PRUNE2: variants seen among roughly 807,000 people sequenced by gnomAD.
PRUNE2 encodes the protein protein prune homolog 2.
A neutral mutation model predicts 252.0 loss-of-function variants in PRUNE2; 164 were observed. The observed-to-expected ratio is 0.65, with a 90% CI of 0.57 to 0.74. The LOEUF (loss-of-function observed/expected upper bound fraction) is 0.74. Ranked by LOEUF, PRUNE2 falls within the 30% of genes least tolerant of loss-of-function variation. The pLI is 0.00. For missense variants in PRUNE2, 3,495 were observed against 3,711.0 expected (o/e 0.94, Z 1.51); for synonymous variants, 1,292 against 1,350.2 (o/e 0.96, Z 0.94).
rs527278880 is a variant in PRUNE2, at chr9:76,667,985, G to C, written c.8277-12483C>G. ...CGTAGGGGGAGGTTTGACAACCGCT[G>C]TCCTAGAGTCTAACAACTTAAATAA... On this transcript the variant is annotated intron_variant, in intron 9 of 18. Transcript: ENST00000376718. 2.0e-5 allele frequency among the ~76,000 whole-genome samples: 3 copies of C among 152,334 alleles called. No homozygotes were observed. The South Asian group carries it at 6.2e-4, about 32-fold the overall frequency.
intron 3 of PRUNE2, among the ~76,000 whole-genome samples, chr9:76,848,388 A>T (rs958484371): frequency 4.6e-5 from 7 of 152,258 alleles, no homozygotes; most frequent in African/African-American, 1.7e-4. Flanking sequence ...ATGATTGATA[A>T]ATATTATTCA....
At position 76,885,164 on chromosome 9, in the gene PRUNE2, G is replaced by A. The variant is rs146316952; in HGVS notation, c.36+20764C>T. Among the ~76,000 whole-genome samples, 21 of 152,314 alleles carry A rather than the reference G, an allele frequency of 1.4e-4. 1 individual carries two copies. The East Asian group carries it at 4.0e-3, about 29-fold the overall frequency. ...ATCAAATACATTTTTAAAGATAGAT[G>A]AACTCCAAAGCAGATTTAAAATATG... On this transcript the variant is annotated intron_variant, in intron 1 of 18. Transcript: ENST00000376718.
intron 1 of PRUNE2, among the ~76,000 whole-genome samples, chr9:76,886,059 A>T (rs943650129): frequency 6.6e-6 from 1 of 151,812 alleles, no homozygotes; most frequent in African/African-American, 2.4e-5. Flanking sequence ...GGTGGCACAC[A>T]CCTGTAGTCC....
At position 76,705,629 on chromosome 9, in the gene PRUNE2, T is replaced by C. The variant is rs754116878; in HGVS notation, c.6645A>G (p.Ala2215=). ...VSEKGASPDM[A]PILEPVDRRI... is the part of the protein sequence containing the mutation. ...TTCTGTCAACTGGTTCCAAAATTGG[T>C]GCCATATCTGGGCTGGCTCCTTTTT... Residue 2215 remains alanine, a synonymous_variant, in exon 8 of 19, where the codon GCA becomes GCG. Transcript: ENST00000376718. The C allele has an allele frequency of 1.2e-6, 2 of 1,614,046 alleles. No individual in the cohort carries two copies. Among genetic ancestry groups the C allele is most frequent in the Non-Finnish European group, 8.5e-7 (1 of 1,179,894 alleles).
intron 9 of PRUNE2, among the ~76,000 whole-genome samples, chr9:76,668,096 T>C (rs927421938): frequency 2.0e-5 from 3 of 152,226 alleles, no homozygotes; most frequent in Admixed American, 6.5e-5. Context: ...TGTGTTTCTA[T>C]AAGGAATATA....
intron 9 of PRUNE2, among the ~76,000 whole-genome samples, chr9:76,682,454 T>C (rs2043571802): frequency 6.6e-6 from 1 of 150,670 alleles, no homozygotes; most frequent in Non-Finnish European, 1.5e-5. Context: ...CTTCGCCTCC[T>C]GGGTTCAAGC....
intron 1 of PRUNE2, chr9:76,862,603 G>C (rs1033777247): frequency 2.6e-5 from 4 of 151,962 alleles, no homozygotes; most frequent in African/African-American, 9.7e-5. Flanking sequence ...GCCCAAATGA[G>C]AAAGAATGCC....
In PRUNE2 at chr9:76,704,842, A is replaced by T. The variant is rs1429426207; in HGVS notation, c.7432T>A (p.Leu2478Met). Residue 2478 changes from leucine (L) to methionine (M), a missense_variant, in exon 8 of 19, where the codon TTG becomes ATG. Transcript: ENST00000376718. ...TCCCAGTCAACGTTTGATGGAGACAAAATGTTGGAGCCTGCTCCTACCGGC... is the reference window on the plus strand; with the variant it reads ...TCCCAGTCAACGTTTGATGGAGACATAATGTTGGAGCCTGCTCCTACCGGC... ...YLPVGAGSNI[L>M]SPSNVDWEVE... 1.9e-6 allele frequency: 3 copies of T among 1,596,324 alleles called. No homozygotes were observed. Among genetic ancestry groups the T allele is most frequent in the Non-Finnish European group, 2.6e-6 (3 of 1,170,228 alleles).
At chr9:76,769,796 G>A (rs545475313) in intron 6 of PRUNE2, among the ~76,000 whole-genome samples, 37 of 152,138 alleles carry the variant, frequency 2.4e-4, no homozygotes, top group African/African-American at 8.0e-4. Context: ...AAAAGGGAAC[G>A]TGAACTAAAA....
intron 6 of PRUNE2, among the ~76,000 whole-genome samples, chr9:76,805,480 T>C (rs915445122): frequency 2.6e-5 from 4 of 152,052 alleles, no homozygotes; most frequent in Admixed American, 2.6e-4. Context: ...TTTAATTAGC[T>C]GCTACTCAGA....
intron 9 of PRUNE2, among the ~76,000 whole-genome samples, chr9:76,666,063 A>T (rs2040082209): frequency 6.6e-6 from 1 of 152,186 alleles, no homozygotes; most frequent in Non-Finnish European, 1.5e-5. Flanking sequence ...CCATACAGTG[A>T]TAGGAGCTGA....
At chr9:76,885,228 C>T (rs2062019921) in intron 1 of PRUNE2, among the ~76,000 whole-genome samples, 1 of 152,220 alleles carries the variant, frequency 6.6e-6, no homozygotes, top group Non-Finnish European at 1.5e-5. Context: ...TAGGCGGCTT[C>T]ATATGAAGAC....
chr9:76,903,388 C>G (rs2063295093), intron 1 of PRUNE2, among the ~76,000 whole-genome samples: 1 of 151,084 alleles, frequency 6.6e-6, no homozygotes, highest in Admixed American at 6.6e-5. Context: ...AAAAAAAAAC[C>G]AAACTAGTAA....
At chr9:76,869,318 G>A (rs543891026) in intron 1 of PRUNE2, 1 of 152,316 alleles carries the variant, frequency 6.6e-6, no homozygotes, top group East Asian at 1.9e-4. Context: ...AGGTTCACAG[G>A]GAAATGTGCG....
At chr9:76,660,649 G>A (rs189264306) in intron 9 of PRUNE2, among the ~76,000 whole-genome samples, 1 of 151,972 alleles carries the variant, frequency 6.6e-6, no homozygotes, top group East Asian at 1.9e-4. Flanking sequence ...GGGTGTGGTG[G>A]TGCACACCTG....
chr9:76,832,600 T>C (rs114795879), intron 4 of PRUNE2, among the ~76,000 whole-genome samples: 1,645 of 152,140 alleles, frequency 0.011, 27 homozygotes, highest in African/African-American at 0.038. Flanking sequence ...AAGGAAATTT[T>C]ATACCCTTAA....
intron 7 of PRUNE2, 65 bp from the exon 8 acceptor site, chr9:76,711,423 G>T: frequency 1.0e-6 from 1 of 966,588 alleles, no homozygotes; most frequent in Non-Finnish European, 1.5e-6. Context: ...ATTGCACTTT[G>T]CAATTTATCT....
chr9:76,645,046 G>A (rs1844227719), intron 11 of PRUNE2, 137 bp from the exon 12 acceptor site: 2 of 719,808 alleles, frequency 2.8e-6, no homozygotes, highest in Non-Finnish European at 4.6e-6. Flanking sequence ...GAAACAACCT[G>A]ATCAAAGTCC....
At chr9:76,699,644 T>C (rs900997363) in intron 9 of PRUNE2, among the ~76,000 whole-genome samples, 15 of 152,192 alleles carry the variant, frequency 9.9e-5, no homozygotes, top group African/African-American at 3.4e-4. Context: ...GCTTGCCCTA[T>C]AGACTTCAGA....
Sources: gnomAD v4.1 joint callset for allele counts (sites outside exome capture counted in the v4.1 genomes callset) on GRCh38, gnomAD v4.1.1 for gene constraint, MANE v1.5 for transcripts, NCBI Gene and HGNC (gene_info 2026-07-23, HGNC 2026-07-21) for gene names.